The following USP7 variants were observed in gnomAD, a reference collection of about 807,000 sequenced individuals.
USP7 encodes ubiquitin C-terminal hydrolase 7.
In USP7, 9 loss-of-function variants were observed where a neutral mutation model predicts 162.9. The observed-to-expected ratio is 0.06, with a 90% CI of 0.03 to 0.10. The LOEUF is 0.10. Ranked by LOEUF, USP7 falls within the 10% of genes least tolerant of loss-of-function variation. The probability of loss-of-function intolerance (pLI) is 1.00; values close to 1 mark genes in which losing one functional copy is unlikely to be tolerated. For synonymous variants in USP7, 562 were observed against 475.9 expected, an observed-to-expected ratio of 1.18 and a Z score of -2.35; for missense variants, 715 against 1,373.7, an observed-to-expected ratio of 0.52 and a Z score of 7.58.
Position 8,910,833 on chromosome 16 carries a change from AAG to A in USP7, c.1079-8_1079-7del, listed in dbSNP as rs751982165. 96 of 1,611,880 alleles carry A rather than the reference AAG, an allele frequency of 6.0e-5. No homozygotes were observed. Among genetic ancestry groups the A allele is most frequent in the East Asian group, 5.8e-4 (26 of 44,872 alleles). On this transcript the variant is annotated splice_polypyrimidine_tract_variant and splice_region_variant and intron_variant, in intron 10 of 30. Transcript: ENST00000344836. Reference sequence around the variant, plus strand: ...ATCCACAAATGATTCAAATACTTTAAAGAGAGAGAGAGAAAAGTCAAGTGCTA... The same window carrying A: ...ATCCACAAATGATTCAAATACTTTAAAGAGAGAGAGAAAAGTCAAGTGCTA...
chr16:8,953,311 G>C (rs1053081096), intron 1 of USP7, among the ~76,000 whole-genome samples: 1 of 152,128 alleles, frequency 6.6e-6, no homozygotes, highest in African/African-American at 2.4e-5. Flanking sequence ...ATCCGGGGTA[G>C]AGTTGAGACC....
chr16:8,934,876 T>C (rs569659604), intron 1 of USP7, among the ~76,000 whole-genome samples: 27 of 152,294 alleles, frequency 1.8e-4, no homozygotes, highest in African/African-American at 6.5e-4. Context: ...GGGCAGGAGA[T>C]CCCGTTTTTA....
intron 10 of USP7, among the ~76,000 whole-genome samples, chr16:8,912,224 C>T (rs1274150210): frequency 1.3e-5 from 2 of 151,898 alleles, no homozygotes; most frequent in South Asian, 4.2e-4. Context: ...GGCAGAGGTA[C>T]GTGGATCGCC....
intron 18 of USP7, 57 bp downstream of exon 18, chr16:8,902,025 A>G (rs1156229917): frequency 1.4e-6 from 2 of 1,429,638 alleles, no homozygotes; most frequent in East Asian, 2.3e-5. Flanking sequence ...TAGAACAACA[A>G]TCCAGGAATC....
chr16:8,892,348 A>G lies in USP7; in HGVS notation c.*1650T>C, dbSNP rs1317035349. The G allele has an allele frequency of 6.6e-6, 1 of 152,380 alleles. No homozygotes were observed. The highest frequency in any genetic ancestry group is 1.5e-5 in the Non-Finnish European group (1 of 68,126). The allele number at this position is 152,380 out of a possible 1,614,324, so 9.4% of individuals were successfully genotyped here. A position where few individuals can be genotyped will look rare whatever the true frequency, so the allele number is the denominator to read the frequency against. Reference sequence around the variant, plus strand: ...CGGGTCACAAGGCAGCTCTCAGAGCAGAAGGCACACACACTGCAGTGGAAG... The same window carrying G: ...CGGGTCACAAGGCAGCTCTCAGAGCGGAAGGCACACACACTGCAGTGGAAG... On this transcript the variant is annotated 3_prime_UTR_variant, in exon 31 of 31. Transcript: ENST00000344836.
chr16:8,905,091 A>C, intron 14 of USP7, 96 bp downstream of exon 14: 11 of 1,476,964 alleles, frequency 7.4e-6, no homozygotes, highest in Non-Finnish European at 1.0e-5. Flanking sequence ...GAATAAGCAT[A>C]AAATGTGTTT....
chr16:8,895,761 A>T lies in USP7; in HGVS notation c.2820-20T>A. On this transcript the variant is annotated intron_variant, in intron 26 of 30. Coordinates refer to ENST00000344836, the MANE Select transcript of USP7 (RefSeq NM_003470.3). ...AGCAGCCTGAACAGAGAGGAAAAAA[A>T]AATAGGGCAAAATGAAGTATATATA... 6.6e-7 allele frequency: 1 copy of T among 1,518,812 alleles called. No individual in the cohort carries two copies. 94.1% of individuals were successfully genotyped at this position (1,518,812 alleles called of 1,614,324 possible).
intron 2 of USP7, among the ~76,000 whole-genome samples, chr16:8,923,632 C>A (rs1017898595): frequency 6.6e-6 from 1 of 152,216 alleles, no homozygotes; most frequent in Non-Finnish European, 1.5e-5. Context: ...ACTCAGAGTG[C>A]TAACCATACA....
intron 1 of USP7, among the ~76,000 whole-genome samples, chr16:8,954,377 G>A (rs1899692658): frequency 1.3e-5 from 2 of 152,186 alleles, no homozygotes; most frequent in African/African-American, 4.8e-5. Flanking sequence ...TGTTCAGTGG[G>A]CTCGCTCATC....
chr16:8,905,144 G>C lies in USP7; in HGVS notation c.1573+43C>G, dbSNP rs2061840313. 3 of 1,596,826 alleles carry C rather than the reference G, an allele frequency of 1.9e-6. No individual in the cohort carries two copies. In the East Asian group the frequency reaches 6.7e-5, roughly 36 times the overall value. ...GGAGATTCATGGTACAAATGTCCAAGTCCACCACAGTAAAGAACAGAACAA... is the reference window on the plus strand; with the variant it reads ...GGAGATTCATGGTACAAATGTCCAACTCCACCACAGTAAAGAACAGAACAA... On this transcript the variant is annotated intron_variant, in intron 14 of 30. Transcript: ENST00000344836.
intron 10 of USP7, among the ~76,000 whole-genome samples, chr16:8,914,180 A>G (rs62031299): frequency 0.29 from 43,655 of 152,000 alleles, 6,468 homozygotes; most frequent in South Asian, 0.34. Context: ...AAGCATTTGA[A>G]AAGGTAAGAA....
chr16:8,943,161 T>A (rs1281320612), intron 1 of USP7, among the ~76,000 whole-genome samples: 1 of 152,156 alleles, frequency 6.6e-6, no homozygotes, highest in African/African-American at 2.4e-5. Context: ...AACTATTTGT[T>A]TGGAGCTTTC....
intron 3 of USP7, 66 bp from the exon 4 acceptor site, chr16:8,921,361 C>G: frequency 6.4e-7 from 1 of 1,558,386 alleles, no homozygotes; most frequent in Non-Finnish European, 8.7e-7. Flanking sequence ...TTTTTAAAGA[C>G]AGTAAACATA....
chr16:8,933,303 G>A (rs1898479011), intron 1 of USP7, among the ~76,000 whole-genome samples: 1 of 152,108 alleles, frequency 6.6e-6, no homozygotes, highest in Non-Finnish European at 1.5e-5. Context: ...CCCAGCACTT[G>A]TGGGGGGCCA....
intron 2 of USP7, among the ~76,000 whole-genome samples, chr16:8,927,623 G>T (rs1227130924): frequency 6.6e-6 from 1 of 151,990 alleles, no homozygotes; most frequent in Non-Finnish European, 1.5e-5. Context: ...ATCACCTGAG[G>T]TCAGGTGTTC....
chr16:8,925,324 T>A (rs545365805), intron 2 of USP7, among the ~76,000 whole-genome samples: 30 of 152,306 alleles, frequency 2.0e-4, no homozygotes, highest in African/African-American at 7.0e-4. Context: ...GACTACTAGC[T>A]TGCCCGCTTT....
chr16:8,960,910 C>T (rs1899981412), intron 1 of USP7, among the ~76,000 whole-genome samples: 1 of 152,202 alleles, frequency 6.6e-6, no homozygotes, highest in Admixed American at 6.5e-5. Context: ...TCCACAGCCT[C>T]ATGTGCTCAC....
intron 10 of USP7, among the ~76,000 whole-genome samples, chr16:8,911,602 G>A (rs2061947592): frequency 6.6e-6 from 1 of 152,204 alleles, no homozygotes. Flanking sequence ...ACAAATGAGA[G>A]CCCCGTGATG....
intron 26 of USP7, among the ~76,000 whole-genome samples, chr16:8,896,428 A>G (rs757047883): frequency 3.3e-5 from 5 of 152,144 alleles, no homozygotes; most frequent in African/African-American, 4.8e-5. Context: ...AAAACTAAAG[A>G]AAGTTTGGGA....
Sources: gnomAD v4.1 joint callset for allele counts (sites outside exome capture counted in the v4.1 genomes callset) on GRCh38, gnomAD v4.1.1 for gene constraint, MANE v1.5 for transcripts, NCBI Gene and HGNC (gene_info 2026-07-23, HGNC 2026-07-21) for gene names.